PAPOLA: variants seen among roughly 807,000 people sequenced by gnomAD.
PAPOLA encodes polynucleotide adenylyltransferase alpha.
PAPOLA carries 15 observed loss-of-function variants against 100.6 expected under a neutral mutation model. That is an observed-to-expected ratio of 0.15 (90% CI 0.10 to 0.23). The LOEUF is 0.23. PAPOLA is among the 10% of genes least tolerant of loss of function. The pLI is 1.00. For synonymous variants in PAPOLA, 293 were observed against 300.0 expected (o/e 0.98, Z 0.24); for missense variants, 533 against 884.2 (o/e 0.60, Z 5.04).
At chr14:96,554,888 G>A (rs1454776718) in intron 17 of PAPOLA, among the ~76,000 whole-genome samples, 1 of 152,060 alleles carries the variant, frequency 6.6e-6, no homozygotes, top group Non-Finnish European at 1.5e-5. Flanking sequence ...AAGAATAGGG[G>A]TTAATTATAG....
intron 19 of PAPOLA, among the ~76,000 whole-genome samples, chr14:96,558,053 A>C (rs1328882703): frequency 6.6e-6 from 1 of 152,220 alleles, no homozygotes; most frequent in Non-Finnish European, 1.5e-5. Flanking sequence ...ATCATAACTT[A>C]GAAGATGTGT....
chr14:96,502,644 C>G, intron 1 of PAPOLA, 44 bp downstream of exon 1: 1 of 1,558,144 alleles, frequency 6.4e-7, no homozygotes, highest in East Asian at 2.5e-5. Flanking sequence ...CCGGCTGGGC[C>G]TTGGGGGGCG....
chr14:96,516,604 A>G (rs1252422811), intron 1 of PAPOLA, among the ~76,000 whole-genome samples: 1 of 152,244 alleles, frequency 6.6e-6, no homozygotes, highest in East Asian at 1.9e-4. Flanking sequence ...CTCCCTAAGC[A>G]TTGGGATTAT....
At position 96,544,160 on chromosome 14, in the gene PAPOLA, G is replaced by C. The variant is rs1221093073; in HGVS notation, c.1301G>C (p.Arg434Pro). The change falls in exon 15 of 22, where the codon CGC (arginine) becomes CCC (proline). Residue 434 changes from arginine to proline, a missense_variant. Physicochemically the swap from Arg to Pro is moderately radical, Grantham distance 103. Coordinates refer to ENST00000216277, the MANE Select transcript of PAPOLA (RefSeq NM_032632.5). The stretch of plus-strand genomic sequence containing the variant: ...GCTCTTCTTTGCAGGGAAGAATTTC[G>C]CACGATGTGGGTGATTGGGTTAGTG... ...PKENPDKEEF[R>P]TMWVIGLVFK... is the part of the protein sequence containing the mutation. 5.6e-6 allele frequency: 9 copies of C among 1,594,988 alleles called. No homozygotes were observed. The highest frequency in any genetic ancestry group is 7.7e-6 in the Non-Finnish European group (9 of 1,163,524).
At chr14:96,526,471 TAC>T (rs554114979) in intron 4 of PAPOLA, 108 of 152,438 alleles carry the variant, frequency 7.1e-4, no homozygotes, top group African/African-American at 2.5e-3. Context: ...TAGCTGGGAC[TAC>T]AGGCACACGC....
rs189273688 is a variant in PAPOLA, at chr14:96,508,162, C to T, written c.8+5562C>T. 5.2e-3 allele frequency among the ~76,000 whole-genome samples: 788 copies of T among 152,310 alleles called. 9 individuals are homozygous for T. Among genetic ancestry groups the T allele is most frequent in the African/African-American group, 0.018 (757 of 41,572 alleles). On this transcript the variant is annotated intron_variant, in intron 1 of 21. Transcript: ENST00000216277. ...AAGTGCTGGGATTACAGGCCCACCA[C>T]GCCTGGCCTCTGGTGGTTTTCTGAA...
At position 96,542,826 on chromosome 14, in the gene PAPOLA, A is replaced by T; in HGVS notation, c.1222A>T (p.Asn408Tyr). 6.2e-7 allele frequency: 1 copy of T among 1,612,766 alleles called. No homozygotes were observed. The highest frequency in any genetic ancestry group is 8.5e-7 in the Non-Finnish European group (1 of 1,179,554). ...IRILVGSLEK[N>Y]EFITLAHVNP... ...AATCCTGGTTGGAAGCTTGGAGAAG[A>T]ATGAATTTATTACACTGGCTCATGT... is the stretch of plus-strand genomic sequence containing the variant. Residue 408 changes from asparagine (N) to tyrosine (Y), a missense_variant, in exon 14 of 22, where the codon AAT becomes TAT. Transcript: ENST00000216277.
intron 20 of PAPOLA, 150 bp from the exon 21 acceptor site, chr14:96,562,669 T>C (rs1261201678): frequency 7.5e-6 from 4 of 532,124 alleles, no homozygotes. Context: ...CAACATCTAC[T>C]GACTAGATGT....
chr14:96,515,431 T>C (rs902886316), intron 1 of PAPOLA, among the ~76,000 whole-genome samples: 5 of 152,202 alleles, frequency 3.3e-5, no homozygotes, highest in African/African-American at 9.7e-5. Flanking sequence ...TGAAGACTTT[T>C]AAGAATGCTT....
chr14:96,507,280 G>GTTTTTTTTTTTTTTTTTTTTT lies in PAPOLA; in HGVS notation c.8+4685_8+4705dup, dbSNP rs71103533. On this transcript the variant is annotated intron_variant, in intron 1 of 21. Transcript: ENST00000216277. ...ACTAAATTTTTTGTTTTGGAAAATA[G>GTTTTTTTTTTTTTTTTTTTTT]TTTTTTTTTTTTTTTTTTTTTTTTT... 2.4e-4 allele frequency among the ~76,000 whole-genome samples: 19 copies of GTTTTTTTTTTTTTTTTTTTTT among 80,720 alleles called. 1 individual carries two copies. Among genetic ancestry groups the GTTTTTTTTTTTTTTTTTTTTT allele is most frequent in the African/African-American group, 5.7e-4 (10 of 17,600 alleles). The allele number at this position is 80,720 out of a possible 152,430, so 53.0% of individuals were successfully genotyped here.
intron 19 of PAPOLA, among the ~76,000 whole-genome samples, chr14:96,557,068 CA>C (rs1425591504): frequency 1.3e-5 from 2 of 152,060 alleles, no homozygotes; most frequent in Admixed American, 1.3e-4. Flanking sequence ...TGTTTTGAGA[CA>C]GGGGCTGGCT....
chr14:96,527,924 G>A, intron 5 of PAPOLA, 29 bp from the exon 6 acceptor site: 2 of 1,543,320 alleles, frequency 1.3e-6, no homozygotes, highest in East Asian at 4.5e-5. Context: ...TAGTTTCAGA[G>A]ACCCTGAACT....
chr14:96,534,984 T>G, intron 10 of PAPOLA: 1 of 985,948 alleles, frequency 1.0e-6, no homozygotes, highest in Non-Finnish European at 1.2e-6. Context: ...ATATAACTTC[T>G]AAGCATTTTC....
intron 10 of PAPOLA, 96 bp downstream of exon 10, chr14:96,534,659 T>A: frequency 6.3e-7 from 1 of 1,596,350 alleles, no homozygotes; most frequent in Non-Finnish European, 8.5e-7. Context: ...GCCTTTTACT[T>A]ATGAATGGTC....
Position 96,544,160 on chromosome 14 carries a change from G to T in PAPOLA, c.1301G>T (p.Arg434Leu). Residue 434 changes from arginine to leucine, a missense_variant, in exon 15 of 22, where the codon CGC becomes CTC. Around this residue, in one of 9 missense-constraint regions of PAPOLA, gnomAD observed 19 missense variants for 18.7 expected, o/e 1.01. Transcript: ENST00000216277. ...GCTCTTCTTTGCAGGGAAGAATTTC[G>T]CACGATGTGGGTGATTGGGTTAGTG... Reference protein sequence around the residue: ...PKENPDKEEFRTMWVIGLVFK... With the variant: ...PKENPDKEEFLTMWVIGLVFK... The T allele has an allele frequency of 6.3e-7, 1 of 1,594,988 alleles. No individual in the cohort carries two copies.
chr14:96,532,697 G>T, intron 9 of PAPOLA, 48 bp downstream of exon 9: 1 of 1,513,180 alleles, frequency 6.6e-7, no homozygotes. Context: ...AGACACTGAA[G>T]TTTAGTCTTA....
At position 96,536,968 on chromosome 14, in the gene PAPOLA, T is replaced by A. The variant is rs1168176495; in HGVS notation, c.1031-8T>A. On this transcript the variant is annotated splice_polypyrimidine_tract_variant and splice_region_variant and intron_variant, in intron 11 of 21. Transcript: ENST00000216277. ...GTATGCAAACATTTTAATATGTTTT[T>A]AATTTAGGTCTTGCTATCACAGATG... 1 of 1,543,424 alleles carries A rather than the reference T, an allele frequency of 6.5e-7. No individual in the cohort carries two copies. The highest frequency in any genetic ancestry group is 9.0e-7 in the Non-Finnish European group (1 of 1,116,122).
At position 96,562,170 on chromosome 14, in the gene PAPOLA, G is replaced by A. The variant is rs184717464; in HGVS notation, c.2068-649G>A. On this transcript the variant is annotated intron_variant, in intron 20 of 21. Transcript: ENST00000216277. ...GCCTCCCAAAGTGCTAGGATTACAGGTGTGAGCCACCACGTCTGGCCTATA... is the reference window on the plus strand; with the variant it reads ...GCCTCCCAAAGTGCTAGGATTACAGATGTGAGCCACCACGTCTGGCCTATA... 4.5e-3 allele frequency among the ~76,000 whole-genome samples: 686 copies of A among 152,210 alleles called. 4 individuals carry two copies. Among genetic ancestry groups the A allele is most frequent in the Non-Finnish European group, 7.0e-3 (475 of 68,016 alleles).
intron 1 of PAPOLA, among the ~76,000 whole-genome samples, chr14:96,503,511 A>G (rs372443013): frequency 6.0e-5 from 9 of 151,038 alleles, no homozygotes; most frequent in East Asian, 5.8e-4. Flanking sequence ...CCAGTAGATT[A>G]CGGATTTTTT....
Sources: allele counts gnomAD v4.1 joint callset (sites outside exome capture counted in the v4.1 genomes callset), GRCh38; gene constraint gnomAD v4.1.1; regional missense constraint gnomAD v4.1.1; transcripts MANE v1.5; gene names NCBI Gene and HGNC (gene_info 2026-07-23, HGNC 2026-07-21).